The following GRM5 variants were observed in gnomAD, a reference collection of about 807,000 sequenced individuals.
The protein encoded by GRM5 is metabotropic glutamate receptor 5.
Under a neutral mutation model 83.1 loss-of-function variants are expected in GRM5, and 19 were observed. The observed-to-expected ratio is 0.23, with a 90% CI of 0.16 to 0.34. The LOEUF is 0.34. Ranked by LOEUF, GRM5 falls within the 10% of genes least tolerant of loss-of-function variation. The pLI is 1.00. For missense variants in GRM5, 1,160 were observed against 1,588.3 expected, an observed-to-expected ratio of 0.73 and a Z score of 4.58; for synonymous variants, 675 against 633.6, an observed-to-expected ratio of 1.07 and a Z score of -0.98.
chr11:88,992,768 C>T (rs1422983788), intron 2 of GRM5, among the ~76,000 whole-genome samples: 2 of 146,630 alleles, frequency 1.4e-5, no homozygotes, highest in African/African-American at 2.5e-5. Flanking sequence ...ATCGCAAGGA[C>T]AAAAAACCAA....
chr11:88,794,475 T>C (rs578165724), intron 3 of GRM5, among the ~76,000 whole-genome samples: 3 of 152,160 alleles, frequency 2.0e-5, no homozygotes, highest in Admixed American at 1.3e-4. Flanking sequence ...TTTGAATAAA[T>C]TATGTGTTTT....
At chr11:89,045,917 T>C (rs1461615784) in intron 2 of GRM5, among the ~76,000 whole-genome samples, 4 of 152,208 alleles carry the variant, frequency 2.6e-5, no homozygotes, top group African/African-American at 9.6e-5. Flanking sequence ...TAAATTTCAA[T>C]TGTCAAATTC....
chr11:88,687,571 A>AT (rs67868877), intron 3 of GRM5, among the ~76,000 whole-genome samples: 7,123 of 26,658 alleles, frequency 0.27, 2,083 homozygotes, highest in East Asian at 0.71. Context: ...TTATATATAT[A>AT]TATATATAAT....
At chr11:88,530,050 T>C (rs1941972787) in intron 8 of GRM5, among the ~76,000 whole-genome samples, 4 of 152,050 alleles carry the variant, frequency 2.6e-5, no homozygotes, top group Admixed American at 2.6e-4. Flanking sequence ...GCTCTCAGCA[T>C]ACCGATGGTT....
chr11:88,961,913 G>C (rs1324721343), intron 2 of GRM5, among the ~76,000 whole-genome samples: 1 of 152,160 alleles, frequency 6.6e-6, no homozygotes, highest in Non-Finnish European at 1.5e-5. Flanking sequence ...TTCGATGATG[G>C]TAATGATGAC....
At chr11:88,697,643 A>G (rs1157712814) in intron 3 of GRM5, among the ~76,000 whole-genome samples, 1 of 152,194 alleles carries the variant, frequency 6.6e-6, no homozygotes, top group African/African-American at 2.4e-5. Flanking sequence ...AATGAAGCAG[A>G]CCCACAAAAT....
intron 3 of GRM5, among the ~76,000 whole-genome samples, chr11:88,682,161 T>C (rs1189213117): frequency 1.3e-5 from 2 of 152,182 alleles, no homozygotes; most frequent in Non-Finnish European, 2.9e-5. Flanking sequence ...GATTTGACAA[T>C]CATCTCTATT....
intron 2 of GRM5, among the ~76,000 whole-genome samples, chr11:88,944,211 A>G (rs35896368): frequency 0.03 from 4,557 of 152,080 alleles, 84 homozygotes; most frequent in Middle Eastern, 0.065. Context: ...AGCCAGAAAA[A>G]TAGAGAGAAG....
intron 8 of GRM5, among the ~76,000 whole-genome samples, chr11:88,563,270 A>T (rs1447434149): frequency 6.6e-6 from 1 of 152,204 alleles, no homozygotes; most frequent in Non-Finnish European, 1.5e-5. Flanking sequence ...GCTGAATTGA[A>T]ATCCAGGTGT....
At chr11:88,842,366 T>G (rs1944219247) in intron 3 of GRM5, among the ~76,000 whole-genome samples, 2 of 152,204 alleles carry the variant, frequency 1.3e-5, no homozygotes, top group African/African-American at 4.8e-5. Context: ...GATTTCATTC[T>G]TCATTCCTTA....
intron 2 of GRM5, among the ~76,000 whole-genome samples, chr11:89,044,074 G>A (rs536551069): frequency 6.6e-6 from 1 of 152,286 alleles, no homozygotes; most frequent in African/African-American, 2.4e-5. Flanking sequence ...AAATGGGCAA[G>A]CACCATCAAT....
chr11:88,663,784 G>A (rs1939966511), intron 3 of GRM5, among the ~76,000 whole-genome samples: 1 of 152,056 alleles, frequency 6.6e-6, no homozygotes, highest in Non-Finnish European at 1.5e-5. Flanking sequence ...TTTTATGAAG[G>A]CCAAACAGCC....
At chr11:88,561,258 A>G (rs1439809364) in intron 8 of GRM5, among the ~76,000 whole-genome samples, 2 of 152,190 alleles carry the variant, frequency 1.3e-5, no homozygotes, top group African/African-American at 4.8e-5. Flanking sequence ...CAGACAGCCA[A>G]AGTGGGCCCT....
At chr11:88,830,829 C>T (rs544389505) in intron 3 of GRM5, among the ~76,000 whole-genome samples, 4 of 152,242 alleles carry the variant, frequency 2.6e-5, no homozygotes, top group African/African-American at 9.6e-5. Flanking sequence ...TGCAGTTCCA[C>T]GTGCCTGGGG....
intron 3 of GRM5, among the ~76,000 whole-genome samples, chr11:88,841,366 T>C (rs1944197112): frequency 6.6e-6 from 1 of 152,204 alleles, no homozygotes; most frequent in African/African-American, 2.4e-5. Context: ...CATCCTTTGC[T>C]AACACTAAAT....
intron 3 of GRM5, among the ~76,000 whole-genome samples, chr11:88,721,153 A>T (rs1260944822): frequency 6.6e-6 from 1 of 152,084 alleles, no homozygotes; most frequent in Non-Finnish European, 1.5e-5. Flanking sequence ...GAGCGAATAC[A>T]TGTAAAAACA....
chr11:88,647,382 T>C (rs1479808610), intron 4 of GRM5, among the ~76,000 whole-genome samples: 1 of 151,958 alleles, frequency 6.6e-6, no homozygotes, highest in Admixed American at 6.6e-5. Flanking sequence ...GAACCAGTAA[T>C]CCTTTTGGTT....
chr11:88,744,996 G>A (rs548947409), intron 3 of GRM5, among the ~76,000 whole-genome samples: 12 of 152,084 alleles, frequency 7.9e-5, no homozygotes, highest in African/African-American at 2.9e-4. Flanking sequence ...CTGTATACTA[G>A]ACTATTTTAA....
At chr11:88,720,738 C>T (rs1232929870) in intron 3 of GRM5, among the ~76,000 whole-genome samples, 1 of 151,476 alleles carries the variant, frequency 6.6e-6, no homozygotes, top group Non-Finnish European at 1.5e-5. Context: ...GTTATGTGCC[C>T]TGTGCAAAAG....
Sources: allele counts gnomAD v4.1 joint callset (sites outside exome capture counted in the v4.1 genomes callset), GRCh38; gene constraint gnomAD v4.1.1; transcripts MANE v1.5; gene names NCBI Gene and HGNC (gene_info 2026-07-23, HGNC 2026-07-21).